Variants in NRG3 observed in about 807,000 individuals in gnomAD.
NRG3 encodes neuregulin 3.
In NRG3, 31 loss-of-function variants were observed where a neutral mutation model predicts 66.9. The ratio of observed to expected loss-of-function variants is 0.46; its 90% CI spans 0.35 to 0.63. NRG3 has a LOEUF of 0.63. Among genes scored for constraint, NRG3 ranks in the 20% least tolerant of loss-of-function variants. The probability of loss-of-function intolerance (pLI) is 0.00; values close to 1 mark genes in which losing one functional copy is unlikely to be tolerated. For synonymous variants in NRG3, 393 were observed against 359.4 expected, an observed-to-expected ratio of 1.09 and a Z score of -1.06; for missense variants, 910 against 878.9, an observed-to-expected ratio of 1.04 and a Z score of -0.45.
At chr10:82,683,039 A>G (rs2054230915) in intron 2 of NRG3, among the ~76,000 whole-genome samples, 2 of 139,226 alleles carry the variant, frequency 1.4e-5, no homozygotes, top group South Asian at 2.2e-4. Context: ...GCTCACTGCA[A>G]TCTCTGCCTT....
chr10:81,915,524 G>A (rs1845620204), intron 1 of NRG3, among the ~76,000 whole-genome samples: 1 of 107,716 alleles, frequency 9.3e-6, no homozygotes, highest in Non-Finnish European at 1.7e-5. Context: ...AAAACACAAG[G>A]CATCAAATAA....
chr10:82,492,638 A>G (rs1843255344), intron 2 of NRG3, among the ~76,000 whole-genome samples: 1 of 152,234 alleles, frequency 6.6e-6, no homozygotes, highest in South Asian at 2.1e-4. Context: ...TTGCAAGTAG[A>G]GAAACTGAAG....
intron 2 of NRG3, among the ~76,000 whole-genome samples, chr10:82,490,356 C>G (rs756422541): frequency 7.2e-5 from 11 of 152,150 alleles, no homozygotes; most frequent in Admixed American, 3.9e-4. Context: ...GACCAATTCC[C>G]AGTCTTGGGT....
intron 1 of NRG3, among the ~76,000 whole-genome samples, chr10:82,350,025 T>A (rs1471484547): frequency 6.6e-6 from 1 of 152,196 alleles, no homozygotes. Context: ...CACCGTCTTC[T>A]GCGTCGCTCA....
intron 4 of NRG3, among the ~76,000 whole-genome samples, chr10:82,897,641 C>A (rs945824445): frequency 3.9e-5 from 6 of 152,158 alleles, no homozygotes; most frequent in Admixed American, 3.9e-4. Context: ...GCCTCAGCCT[C>A]CCGAGTAGCT....
At chr10:81,985,850 A>T (rs1011051491) in intron 1 of NRG3, among the ~76,000 whole-genome samples, 2 of 152,228 alleles carry the variant, frequency 1.3e-5, no homozygotes, top group African/African-American at 4.8e-5. Context: ...ATAGAATGGA[A>T]CAGAAGAGCA....
intron 1 of NRG3, among the ~76,000 whole-genome samples, chr10:82,238,634 A>T (rs939791447): frequency 2.6e-5 from 4 of 151,700 alleles, no homozygotes; most frequent in Non-Finnish European, 5.9e-5. Context: ...CCACCTTGAG[A>T]CAACCATTCT....
chr10:81,911,800 A>G (rs2132758791), intron 1 of NRG3, among the ~76,000 whole-genome samples: 1 of 152,030 alleles, frequency 6.6e-6, no homozygotes, highest in South Asian at 2.1e-4. Flanking sequence ...ATAAAGGGCA[A>G]AGGTAATGCA....
chr10:82,809,531 C>T (rs1381031064), intron 3 of NRG3, among the ~76,000 whole-genome samples: 1 of 152,016 alleles, frequency 6.6e-6, no homozygotes, highest in Non-Finnish European at 1.5e-5. Context: ...ACTATGTCCC[C>T]ATAATATATT....
intron 1 of NRG3, among the ~76,000 whole-genome samples, chr10:82,052,031 A>ATT (rs34567293): frequency 0.035 from 5,044 of 144,760 alleles, 256 homozygotes; most frequent in African/African-American, 0.11. Flanking sequence ...ACCGCATTAG[A>ATT]TTTTTTTTTT....
intron 3 of NRG3, among the ~76,000 whole-genome samples, chr10:82,775,062 A>T (rs781538990): frequency 6.6e-6 from 1 of 151,676 alleles, no homozygotes; most frequent in Non-Finnish European, 1.5e-5. Context: ...CCTGACCTCA[A>T]GTGATCTGCT....
chr10:82,631,130 G>A (rs1377817030), intron 2 of NRG3, among the ~76,000 whole-genome samples: 3 of 152,252 alleles, frequency 2.0e-5, no homozygotes, highest in East Asian at 1.9e-4. Flanking sequence ...TACTCTGTCT[G>A]CTGAGAAAAA....
intron 3 of NRG3, among the ~76,000 whole-genome samples, chr10:82,823,656 C>T (rs1388674923): frequency 6.6e-6 from 1 of 151,950 alleles, no homozygotes; most frequent in Non-Finnish European, 1.5e-5. Context: ...ATTGCCTTTG[C>T]GGAGGAGAGC....
At chr10:82,764,882 G>T (rs757522301) in intron 3 of NRG3, among the ~76,000 whole-genome samples, 1 of 152,104 alleles carries the variant, frequency 6.6e-6, no homozygotes, top group Non-Finnish European at 1.5e-5. Flanking sequence ...AAAGAAAAGA[G>T]AGAGAGAGAA....
At chr10:81,997,201 G>C (rs1045963602) in intron 1 of NRG3, among the ~76,000 whole-genome samples, 6 of 152,158 alleles carry the variant, frequency 3.9e-5, no homozygotes, top group Admixed American at 1.3e-4. Context: ...CTGACATTCA[G>C]GGTCTCCTGT....
rs150672164 is a variant in NRG3 at position 82,587,894 on chromosome 10, A to C, written c.954-150683A>C. On this transcript the variant is annotated intron_variant, in intron 2 of 8. Coordinates refer to ENST00000372141, the MANE Select transcript of NRG3 (RefSeq NM_001010848.4). Reference sequence around the variant, plus strand: ...ATGTGATGATACTCAGAGATTTAAAAATTATATTTCCATTTTGAGGAAAGT... The same window carrying C: ...ATGTGATGATACTCAGAGATTTAAACATTATATTTCCATTTTGAGGAAAGT... 6.3e-3 allele frequency among the ~76,000 whole-genome samples: 961 copies of C among 152,342 alleles called. 9 individuals are homozygous for C. Among genetic ancestry groups the C allele is most frequent in the Non-Finnish European group, 0.011 (716 of 68,032 alleles).
At chr10:82,245,983 T>TG (rs1554859741) in intron 1 of NRG3, among the ~76,000 whole-genome samples, 17 of 144,566 alleles carry the variant, frequency 1.2e-4, no homozygotes, top group Admixed American at 1.2e-3. Context: ...TTCTGGTTTT[T>TG]TTTTTTTTTT....
At chr10:82,484,542 T>A (rs939633189) in intron 2 of NRG3, among the ~76,000 whole-genome samples, 12 of 152,230 alleles carry the variant, frequency 7.9e-5, no homozygotes, top group Non-Finnish European at 1.5e-4. Context: ...TTTTAAAAAA[T>A]TCTTGTCTGT....
chr10:82,633,124 G>T (rs556068179), intron 2 of NRG3, among the ~76,000 whole-genome samples: 1 of 152,192 alleles, frequency 6.6e-6, no homozygotes, highest in African/African-American at 2.4e-5. Context: ...AAGAGGTCTG[G>T]GTAAATGGAG....
Sources: allele counts gnomAD v4.1 joint callset (sites outside exome capture counted in the v4.1 genomes callset), GRCh38; gene constraint gnomAD v4.1.1; transcripts MANE v1.5; gene names NCBI Gene and HGNC (gene_info 2026-07-23, HGNC 2026-07-21).